The following PIK3C2A variants were observed in gnomAD, a reference collection of about 807,000 sequenced individuals.
PIK3C2A encodes the protein phosphatidylinositol 4-phosphate 3-kinase C2 domain-containing subunit alpha.
PIK3C2A carries 97 observed loss-of-function variants against 204.5 expected under a neutral mutation model. That is an observed-to-expected ratio of 0.47 (90% CI 0.40 to 0.56). PIK3C2A has a LOEUF of 0.56. Ranked by LOEUF, PIK3C2A falls within the 20% of genes least tolerant of loss-of-function variation. PIK3C2A has a pLI of 0.00. For synonymous variants in PIK3C2A, 653 were observed against 664.4 expected (o/e 0.98, Z 0.26); for missense variants, 1,735 against 1,969.2 (o/e 0.88, Z 2.25).
intron 25 of PIK3C2A, among the ~76,000 whole-genome samples, chr11:17,100,504 G>A (rs1240983447): frequency 1.3e-5 from 2 of 152,146 alleles, no homozygotes; most frequent in Non-Finnish European, 2.9e-5. Flanking sequence ...TTACAGGCAT[G>A]AGCCACCGCG....
At chr11:17,122,431 G>T in intron 14 of PIK3C2A, 98 bp from the exon 15 acceptor site, 1 of 745,204 alleles carries the variant, frequency 1.3e-6, no homozygotes, top group Non-Finnish European at 2.2e-6. Context: ...AGCAATCGGG[G>T]CATATTTACA....
Position 17,152,142 on chromosome 11 carries a change from T to C in PIK3C2A, c.1170-1487A>G, listed in dbSNP as rs60087376. Among the ~76,000 whole-genome samples, 471 of 152,212 alleles carry C rather than the reference T, an allele frequency of 3.1e-3. 3 individuals are homozygous for C. The highest frequency in any genetic ancestry group is 0.011 in the African/African-American group (445 of 41,522). On this transcript the variant is annotated intron_variant, in intron 3 of 32. Coordinates refer to ENST00000691414, the MANE Select transcript of PIK3C2A (RefSeq NM_002645.4). ...CCCTTTCTTAAAATAAGTCCTTTCT[T>C]TTACACAACAATGTGAATGTAATTA...
intron 27 of PIK3C2A, 86 bp from the exon 28 acceptor site, chr11:17,094,471 C>T (rs1337118283): frequency 9.1e-7 from 1 of 1,103,312 alleles, no homozygotes; most frequent in Non-Finnish European, 1.3e-6. Flanking sequence ...TGCCTGTAAT[C>T]CCAGCACTTT....
At position 17,114,433 on chromosome 11, in the gene PIK3C2A, C is replaced by A; in HGVS notation, c.3249G>T (p.Gln1083His). 6.3e-7 allele frequency: 1 copy of A among 1,583,732 alleles called. No homozygotes were observed. The highest frequency in any genetic ancestry group is 8.7e-7 in the Non-Finnish European group (1 of 1,152,708). ...VVLQRSMERVQSFFQKNKCRL... is the reference protein window; with the variant it reads ...VVLQRSMERVHSFFQKNKCRL... ...GGCATTTATTTTTCTGAAAAAAGGA[C>A]TGTACTCGTTCCATACTTCTTTGGA... The change falls in exon 20 of 33, where the codon CAG becomes CAT. Residue 1083 changes from glutamine to histidine, a missense_variant. This residue lies in a region of PIK3C2A where 567 missense variants were observed against 576.0 expected (regional missense o/e 0.98). Transcript: ENST00000691414.
chr11:17,124,494 C>T (rs1182593461), intron 13 of PIK3C2A, among the ~76,000 whole-genome samples: 2 of 145,750 alleles, frequency 1.4e-5, no homozygotes, highest in Admixed American at 7.0e-5. Flanking sequence ...CTTGTTCTGT[C>T]GCCCAGGCTG....
intron 1 of PIK3C2A, among the ~76,000 whole-genome samples, chr11:17,174,844 G>T (rs1851288752): frequency 1.3e-5 from 2 of 152,102 alleles, no homozygotes; most frequent in Non-Finnish European, 1.5e-5. Context: ...AGAGATGGCA[G>T]TGAGCCAAGG....
chr11:17,104,124 C>G (rs1283090837), intron 23 of PIK3C2A, among the ~76,000 whole-genome samples: 1 of 152,168 alleles, frequency 6.6e-6, no homozygotes, highest in Non-Finnish European at 1.5e-5. Flanking sequence ...AAATGGGAGT[C>G]TTCCTACATC....
At position 17,122,336 on chromosome 11, in the gene PIK3C2A, T is replaced by C; in HGVS notation, c.2512-3A>G. 6.6e-7 allele frequency: 1 copy of C among 1,516,938 alleles called. No homozygotes were observed. The allele number at this position is 1,516,938 out of a possible 1,614,324, so 94.0% of individuals were successfully genotyped here. On this transcript the variant is annotated splice_polypyrimidine_tract_variant and splice_region_variant and intron_variant, in intron 14 of 32. Transcript: ENST00000691414. ...AATGCAGGAGAAGGAAAATCAACCT[T>C]TAAAATTTAACAGAAATTGATCAAA...
chr11:17,143,723 G>A (rs547963133), intron 8 of PIK3C2A, among the ~76,000 whole-genome samples: 1 of 152,130 alleles, frequency 6.6e-6, no homozygotes, highest in South Asian at 2.1e-4. Flanking sequence ...GATCACTTGA[G>A]GTCAGGAGTT....
At chr11:17,156,038 C>T (rs1296309155) in intron 2 of PIK3C2A, among the ~76,000 whole-genome samples, 1 of 152,130 alleles carries the variant, frequency 6.6e-6, no homozygotes, top group East Asian at 1.9e-4. Flanking sequence ...TCAACTAGGA[C>T]CCAAATCCCA....
intron 1 of PIK3C2A, chr11:17,194,069 C>T (rs1298331047): frequency 4.9e-6 from 2 of 410,784 alleles, no homozygotes; most frequent in Non-Finnish European, 8.5e-6. Flanking sequence ...TATGAAGGCC[C>T]TTGTAAAGGA....
intron 27 of PIK3C2A, among the ~76,000 whole-genome samples, chr11:17,095,470 A>G (rs1204113967): frequency 2.0e-5 from 3 of 151,100 alleles, no homozygotes; most frequent in Admixed American, 6.6e-5. Flanking sequence ...GGGTACCTGT[A>G]GTCCCAGCTA....
intron 20 of PIK3C2A, among the ~76,000 whole-genome samples, chr11:17,113,086 A>T (rs559026550): frequency 6.6e-6 from 1 of 151,788 alleles, no homozygotes; most frequent in Non-Finnish European, 1.5e-5. Flanking sequence ...ATCTCAGCTC[A>T]CTGCAATCTC....
chr11:17,188,866 G>A (rs1323758484), intron 1 of PIK3C2A, among the ~76,000 whole-genome samples: 1 of 146,902 alleles, frequency 6.8e-6, no homozygotes, highest in Non-Finnish European at 1.5e-5. Flanking sequence ...GGCTGTGGAG[G>A]CAAGAGCTGA....
chr11:17,110,331 T>A, intron 22 of PIK3C2A, 101 bp downstream of exon 22: 1 of 770,616 alleles, frequency 1.3e-6, no homozygotes, highest in Non-Finnish European at 2.1e-6. Context: ...AAGAAACAAC[T>A]GTGATACCAG....
chr11:17,093,682 GGCTGTAAT>G (rs1848375899), intron 28 of PIK3C2A, among the ~76,000 whole-genome samples: 1 of 151,348 alleles, frequency 6.6e-6, no homozygotes, highest in Non-Finnish European at 1.5e-5. Flanking sequence ...CTGTCACCCA[GGCTGTAAT>G]GCAGTGATGT....
intron 1 of PIK3C2A, 88 bp downstream of exon 1, chr11:17,207,760 C>CT (rs1321670374): frequency 6.6e-6 from 1 of 152,350 alleles, no homozygotes; most frequent in Non-Finnish European, 1.5e-5. Flanking sequence ...ACAAGAGACC[C>CT]TTCCAGCCCG....
intron 1 of PIK3C2A, among the ~76,000 whole-genome samples, chr11:17,170,523 T>C (rs1181793085): frequency 2.0e-5 from 3 of 152,192 alleles, no homozygotes; most frequent in Non-Finnish European, 2.9e-5. Flanking sequence ...GTTAAATCAA[T>C]AGTTATAATA....
chr11:17,162,231 G>A (rs976214805), intron 2 of PIK3C2A, among the ~76,000 whole-genome samples: 1 of 151,798 alleles, frequency 6.6e-6, no homozygotes, highest in African/African-American at 2.4e-5. Context: ...CAGCTACTCA[G>A]GAGGGAGGCT....
Sources: allele counts gnomAD v4.1 joint callset (sites outside exome capture counted in the v4.1 genomes callset), GRCh38; gene constraint gnomAD v4.1.1; regional missense constraint gnomAD v4.1.1; transcripts MANE v1.5; gene names NCBI Gene and HGNC (gene_info 2026-07-23, HGNC 2026-07-21).